Variants in PDGFB observed in about 807,000 individuals in gnomAD.
PDGFB encodes the protein platelet-derived growth factor subunit B.
PDGFB carries 6 observed loss-of-function variants against 29.0 expected under a neutral mutation model. That is an observed-to-expected ratio of 0.21 (90% CI 0.11 to 0.41). PDGFB has a LOEUF of 0.41. Among genes scored for constraint, PDGFB ranks in the 10% least tolerant of loss-of-function variants. PDGFB has a pLI of 1.00. For missense variants in PDGFB, 299 were observed against 341.8 expected (o/e 0.87, Z 0.99); for synonymous variants, 144 against 140.8 (o/e 1.02, Z -0.16).
intron 2 of PDGFB, among the ~76,000 whole-genome samples, chr22:39,235,108 TC>T (rs1205697258): frequency 1.3e-5 from 2 of 151,988 alleles, no homozygotes; most frequent in African/African-American, 2.4e-5. Context: ...GAAATGCTGT[TC>T]CCCCGTAGAT....
At position 39,230,137 on chromosome 22, in the gene PDGFB, A is replaced by G. The variant is rs752976558; in HGVS notation, c.548T>C (p.Val183Ala). The part of the protein sequence containing the change: ...EDHLACKCET[V>A]AAARPVTRSP... Reference sequence around the variant, plus strand: ...TCGGGTCACAGGCCGTGCAGCTGCCACTGTCTCACACTTGCATGCCAGGTG... The same window carrying G: ...TCGGGTCACAGGCCGTGCAGCTGCCGCTGTCTCACACTTGCATGCCAGGTG... Residue 183 changes from valine (V) to alanine (A), a missense_variant, in exon 5 of 7, where the codon GTG becomes GCG. Coordinates refer to ENST00000331163, the MANE Select transcript of PDGFB (RefSeq NM_002608.4). The G allele has an allele frequency of 6.2e-7, 1 of 1,614,038 alleles. No individual in the cohort carries two copies. The highest frequency in any genetic ancestry group is 8.5e-7 in the Non-Finnish European group (1 of 1,180,026).
chr22:39,236,448 T>C (rs1208794433), intron 1 of PDGFB, among the ~76,000 whole-genome samples: 6 of 152,182 alleles, frequency 3.9e-5, no homozygotes, highest in Non-Finnish European at 8.8e-5. Flanking sequence ...GCGGTATCTA[T>C]GAAGTCTCTC....
At chr22:39,236,249 A>G (rs1421324950) in intron 1 of PDGFB, among the ~76,000 whole-genome samples, 2 of 152,242 alleles carry the variant, frequency 1.3e-5, no homozygotes, top group Non-Finnish European at 2.9e-5. Context: ...AGCATCTCCC[A>G]TGGCCAATCT....
At chr22:39,229,460 A>G (rs1247620350) in intron 5 of PDGFB, among the ~76,000 whole-genome samples, 1 of 152,198 alleles carries the variant, frequency 6.6e-6, no homozygotes, top group African/African-American at 2.4e-5. Context: ...ATCTCTCTCC[A>G]GTGGCTTCTC....
chr22:39,226,735 C>T, intron 5 of PDGFB, among the ~76,000 whole-genome samples: 1 of 152,220 alleles, frequency 6.6e-6, no homozygotes, highest in East Asian at 1.9e-4. Flanking sequence ...GGTGTGGAGG[C>T]CACTGGGCTC....
chr22:39,228,886 CA>C (rs34953400), intron 5 of PDGFB, among the ~76,000 whole-genome samples: 2 of 72,568 alleles, frequency 2.8e-5, no homozygotes, highest in Non-Finnish European at 3.8e-5. Context: ...GAGACTGCCT[CA>C]AAAAAAATAT....
chr22:39,238,192 AG>A (rs1932489762), intron 1 of PDGFB, among the ~76,000 whole-genome samples: 1 of 152,168 alleles, frequency 6.6e-6, no homozygotes, highest in Non-Finnish European at 1.5e-5. Flanking sequence ...ATAGGGTCTG[AG>A]GAGGAGAGAG....
chr22:39,237,176 G>A (rs1932465598), intron 1 of PDGFB, among the ~76,000 whole-genome samples: 1 of 151,854 alleles, frequency 6.6e-6, no homozygotes. Context: ...CAGCCTCAGG[G>A]GGCTCTCCCC....
chr22:39,229,939 C>T (rs1329318397), intron 5 of PDGFB, 145 bp downstream of exon 5: 2 of 999,030 alleles, frequency 2.0e-6, no homozygotes, highest in East Asian at 2.4e-5. Context: ...AGGAACCTGG[C>T]TTGTGTCTCA....
At chr22:39,227,448 G>GAGAC (rs772266375) in intron 5 of PDGFB, among the ~76,000 whole-genome samples, 1 of 152,222 alleles carries the variant, frequency 6.6e-6, no homozygotes, top group Non-Finnish European at 1.5e-5. Context: ...CTAGCGTTAG[G>GAGAC]AGACAATACA....
At chr22:39,235,699 G>A (rs1163133704) in intron 2 of PDGFB, 79 bp downstream of exon 2, 1 of 981,456 alleles carries the variant, frequency 1.0e-6, no homozygotes, top group Non-Finnish European at 1.6e-6. Flanking sequence ...AAGAAGGAGG[G>A]ATGCCTCCTG....
At chr22:39,237,388 G>A (rs987923286) in intron 1 of PDGFB, among the ~76,000 whole-genome samples, 6 of 152,128 alleles carry the variant, frequency 3.9e-5, no homozygotes, top group Non-Finnish European at 7.4e-5. Flanking sequence ...TTACAACTCC[G>A]CCCAATGTCT....
chr22:39,241,311 C>G (rs1347176930), intron 1 of PDGFB, among the ~76,000 whole-genome samples: 1 of 152,218 alleles, frequency 6.6e-6, no homozygotes, highest in Non-Finnish European at 1.5e-5. Flanking sequence ...CCAAGGCCAC[C>G]TCCACCAGCA....
In PDGFB at chr22:39,231,405, G is replaced by C. The variant is rs897184865; in HGVS notation, c.456+217C>G. 1.7e-4 allele frequency among the ~76,000 whole-genome samples: 26 copies of C among 152,266 alleles called. No homozygotes were observed. Among genetic ancestry groups the C allele is most frequent in the African/African-American group, 6.0e-4 (25 of 41,550 alleles). On this transcript the variant is annotated intron_variant, in intron 4 of 6. Transcript: ENST00000331163. The surrounding 1 kb of genome is among the most constrained non-coding windows in gnomAD (Gnocchi z 4.3). ...CTGTGGCTTTTGGCTACAGTGGCCT[G>C]AGCCACCTCAGAGGACTCATGGTCG...
intron 1 of PDGFB, among the ~76,000 whole-genome samples, chr22:39,238,903 C>T (rs535481064): frequency 2.0e-5 from 3 of 152,354 alleles, no homozygotes; most frequent in East Asian, 1.9e-4. Context: ...CCGGGGATGC[C>T]GCTCACCACC....
At position 39,233,368 on chromosome 22, in the gene PDGFB, G is replaced by A. The variant is rs36091905; in HGVS notation, c.250+67C>T. Reference sequence around the variant, plus strand: ...CTCGGGGCCCTCCGACTGGCTGCCCGCCCCCGTTCTCTTTCCCTGGCCCCC... The same window carrying A: ...CTCGGGGCCCTCCGACTGGCTGCCCACCCCCGTTCTCTTTCCCTGGCCCCC... On this transcript the variant is annotated intron_variant, in intron 3 of 6. Transcript: ENST00000331163. 0.013 allele frequency: 16,077 copies of A among 1,231,822 alleles called. 141 individuals are homozygous for A. The highest frequency in any genetic ancestry group is 0.022 in the South Asian group (1,598 of 74,186). 76.3% of individuals were successfully genotyped at this position (1,231,822 alleles called of 1,614,324 possible). A position where few individuals can be genotyped will look rare whatever the true frequency, so the allele number is the denominator to read the frequency against.
At chr22:39,228,893 A>AAAAAAAAAAAAATATATAT (rs1184799325) in intron 5 of PDGFB, among the ~76,000 whole-genome samples, 12 of 132,520 alleles carry the variant, frequency 9.1e-5, no homozygotes, top group Non-Finnish European at 1.8e-4. Flanking sequence ...CCTCAAAAAA[A>AAAAAAAAAAAAATATATAT]ATATATATAT....
chr22:39,242,814 A>T lies in PDGFB; in HGVS notation c.63+1087T>A, dbSNP rs1319092230. 1.7e-5 allele frequency: 4 copies of T among 230,746 alleles called. No individual in the cohort carries two copies. The highest frequency in any genetic ancestry group is 3.4e-5 in the Non-Finnish European group (4 of 116,690). 14.3% of individuals were successfully genotyped at this position (230,746 alleles called of 1,614,324 possible). On this transcript the variant is annotated intron_variant, in intron 1 of 6. Coordinates refer to ENST00000331163, the MANE Select transcript of PDGFB (RefSeq NM_002608.4). This position sits in a 1 kb window ranked among gnomAD's most constrained non-coding sequence, Gnocchi z 5.7. The stretch of plus-strand genomic sequence containing the variant: ...CCGGCGAGGTGCGGGCGAGGTGCGG[A>T]CTCCCGGCCGCAGCCGGGCGGAGGT...
rs1932591691 is a variant in PDGFB at position 39,242,537 on chromosome 22, C to T, written c.63+1364G>A. Among the ~76,000 whole-genome samples, 1 of 150,800 alleles carries T rather than the reference C, an allele frequency of 6.6e-6. No homozygotes were observed. The highest frequency in any genetic ancestry group is 2.4e-5 in the African/African-American group (1 of 41,366). On this transcript the variant is annotated intron_variant, in intron 1 of 6. Coordinates refer to ENST00000331163, the MANE Select transcript of PDGFB (RefSeq NM_002608.4). The surrounding 1 kb of genome is among the most constrained non-coding windows in gnomAD (Gnocchi z 5.7). ...AAGGCGGCCCGGCCGAGCCCCGCGT[C>T]CTCCCTCCCGGGTGCGGGCCGCGGG...
Sources: allele counts gnomAD v4.1 joint callset (sites outside exome capture counted in the v4.1 genomes callset), GRCh38; gene constraint gnomAD v4.1.1; non-coding constraint Gnocchi (gnomAD v3.1); transcripts MANE v1.5; gene names NCBI Gene and HGNC (gene_info 2026-07-23, HGNC 2026-07-21).